The following MTMR7 variants were observed in gnomAD, a reference collection of about 807,000 sequenced individuals.
The protein encoded by MTMR7 is myotubularin related protein 7, also known as phosphatidylinositol-3-phosphate phosphatase MTMR7.
In MTMR7, 76 loss-of-function variants were observed where a neutral mutation model predicts 81.2. That is an observed-to-expected ratio of 0.94 (90% CI 0.78 to 1.13). The LOEUF is 1.13. MTMR7 is among the 50% of genes most tolerant of loss of function. The probability of loss-of-function intolerance (pLI) is 0.00; values close to 1 mark genes in which losing one functional copy is unlikely to be tolerated. For missense variants in MTMR7, 1,044 were observed against 820.0 expected (o/e 1.27, Z -3.34); for synonymous variants, 372 against 289.8 (o/e 1.28, Z -2.88).
At chr8:17,348,620 G>C (rs557737123) in intron 5 of MTMR7, among the ~76,000 whole-genome samples, 3 of 151,084 alleles carry the variant, frequency 2.0e-5, no homozygotes, top group Admixed American at 2.0e-4. Flanking sequence ...TTCTAAAATA[G>C]GCATGCCACA....
intron 3 of MTMR7, among the ~76,000 whole-genome samples, chr8:17,368,268 G>A (rs970625024): frequency 6.6e-6 from 1 of 152,146 alleles, no homozygotes. Flanking sequence ...ACCTCCTGCT[G>A]TGCTGTGCCG....
Position 17,320,934 on chromosome 8 carries a change from T to C in MTMR7, c.866-7533A>G, listed in dbSNP as rs185319091. On this transcript the variant is annotated intron_variant, in intron 7 of 13. Coordinates refer to ENST00000180173, the MANE Select transcript of MTMR7 (RefSeq NM_004686.5). The stretch of plus-strand genomic sequence containing the variant: ...TAATCCTAAAATACACACATTCCAC[T>C]GCGTGAAGTCTCAGGATGCAATTGA... 1.9e-4 allele frequency among the ~76,000 whole-genome samples: 29 copies of C among 152,298 alleles called. No individual in the cohort carries two copies. In the East Asian group the frequency reaches 4.8e-3, roughly 25 times the overall value.
chr8:17,354,716 A>G (rs1177804122), intron 4 of MTMR7, among the ~76,000 whole-genome samples: 1 of 152,202 alleles, frequency 6.6e-6, no homozygotes, highest in Non-Finnish European at 1.5e-5. Flanking sequence ...GTCAAACAAG[A>G]GAGGAAAAAG....
intron 5 of MTMR7, among the ~76,000 whole-genome samples, chr8:17,343,217 A>G (rs182068886): frequency 6.0e-4 from 92 of 152,300 alleles, no homozygotes; most frequent in Admixed American, 9.2e-4. Context: ...ACTTGAGGTC[A>G]GGAGTTCGAG....
At chr8:17,325,892 A>G (rs1249011093) in intron 7 of MTMR7, among the ~76,000 whole-genome samples, 1 of 152,230 alleles carries the variant, frequency 6.6e-6, no homozygotes, top group Non-Finnish European at 1.5e-5. Flanking sequence ...CCATCAACGT[A>G]TCCATTTCAT....
At chr8:17,357,466 C>A (rs191210121) in intron 4 of MTMR7, among the ~76,000 whole-genome samples, 1 of 152,238 alleles carries the variant, frequency 6.6e-6, no homozygotes, top group East Asian at 1.9e-4. Context: ...CAAAACAATA[C>A]CACATACTAC....
intron 1 of MTMR7, among the ~76,000 whole-genome samples, chr8:17,379,183 T>A (rs764971667): frequency 5.9e-5 from 9 of 152,078 alleles, no homozygotes; most frequent in African/African-American, 2.2e-4. Flanking sequence ...TTCAGGAACA[T>A]GGGGGCACTG....
chr8:17,315,467 TTGAG>T (rs1221510776), intron 7 of MTMR7, among the ~76,000 whole-genome samples: 1 of 152,154 alleles, frequency 6.6e-6, no homozygotes, highest in Non-Finnish European at 1.5e-5. Context: ...ACAGTGGACT[TTGAG>T]TGATACCGAT....
intron 1 of MTMR7, among the ~76,000 whole-genome samples, chr8:17,378,946 C>T (rs748337656): frequency 2.0e-5 from 3 of 152,050 alleles, no homozygotes; most frequent in Admixed American, 6.6e-5. Context: ...TTACCCAGGG[C>T]GAGCAGGCAG....
chr8:17,309,675 G>A (rs768166698), intron 9 of MTMR7, among the ~76,000 whole-genome samples: 1 of 152,116 alleles, frequency 6.6e-6, no homozygotes, highest in Non-Finnish European at 1.5e-5. Flanking sequence ...AAGGAAAGAG[G>A]TTTCATATTC....
intron 7 of MTMR7, among the ~76,000 whole-genome samples, chr8:17,328,535 G>A (rs1225843423): frequency 2.0e-5 from 3 of 151,862 alleles, no homozygotes; most frequent in Admixed American, 6.6e-5. Context: ...ATGGCCACAC[G>A]TAGGGGAATA....
chr8:17,353,040 C>T (rs539694793), intron 4 of MTMR7, among the ~76,000 whole-genome samples: 18 of 152,232 alleles, frequency 1.2e-4, no homozygotes, highest in African/African-American at 4.3e-4. Context: ...GTGGAAGCAA[C>T]CCAGATGTCC....
chr8:17,369,366 C>T (rs1820336420), intron 3 of MTMR7, among the ~76,000 whole-genome samples: 1 of 152,186 alleles, frequency 6.6e-6, no homozygotes, highest in African/African-American at 2.4e-5. Flanking sequence ...TTTGACAGCT[C>T]CCTGGCGTCA....
rs552444215 is a variant in MTMR7 at position 17,314,516 on chromosome 8, C to G, written c.866-1115G>C. Reference sequence around the variant, plus strand: ...CTTTGAAAGCACTGTGCATATGGGTCACATAGCAGCATTAACAAAAATATT... The same window carrying G: ...CTTTGAAAGCACTGTGCATATGGGTGACATAGCAGCATTAACAAAAATATT... On this transcript the variant is annotated intron_variant, in intron 7 of 13. Transcript: ENST00000180173. 1.2e-4 allele frequency among the ~76,000 whole-genome samples: 18 copies of G among 152,222 alleles called. No individual in the cohort carries two copies. The South Asian group carries it at 2.5e-3, about 21-fold the overall frequency.
At position 17,305,975 on chromosome 8, in the gene MTMR7, A is replaced by G. The variant is rs1817426775; in HGVS notation, c.1152-18T>C. 6 of 1,585,336 alleles carry G rather than the reference A, an allele frequency of 3.8e-6. No individual in the cohort carries two copies. The East Asian group carries it at 1.4e-4, about 36-fold the overall frequency. The stretch of plus-strand genomic sequence containing the variant: ...TGCCATATCTATAAAACAAAGCATT[A>G]GAGACTTTTTAAGGCAGATTTATTT... On this transcript the variant is annotated intron_variant, in intron 10 of 13. Coordinates refer to ENST00000180173, the MANE Select transcript of MTMR7 (RefSeq NM_004686.5).
intron 1 of MTMR7, among the ~76,000 whole-genome samples, chr8:17,377,471 T>C (rs17503181): frequency 0.089 from 13,556 of 152,160 alleles, 866 homozygotes; most frequent in Non-Finnish European, 0.14. Flanking sequence ...AGGTTTTTCT[T>C]TAAAGTAACA....
At chr8:17,310,783 T>C (rs1224903458) in intron 9 of MTMR7, among the ~76,000 whole-genome samples, 1 of 152,186 alleles carries the variant, frequency 6.6e-6, no homozygotes, top group Non-Finnish European at 1.5e-5. Flanking sequence ...AGGACTCCTT[T>C]GTCAGCATCT....
In MTMR7 at chr8:17,304,368, G is replaced by C. The variant is rs778032800; in HGVS notation, c.1493+11C>G. The C allele has an allele frequency of 6.2e-7, 1 of 1,608,808 alleles. No homozygotes were observed. The highest frequency in any genetic ancestry group is 1.7e-5 in the Admixed American group (1 of 59,908). ...ATACCATGGCTACAAAGTTACCAAG[G>C]ATTTACATACTTGTACATGAAGTTA... is the stretch of plus-strand genomic sequence containing the variant. On this transcript the variant is annotated intron_variant, in intron 12 of 13. Transcript: ENST00000180173.
At chr8:17,302,955 C>T (rs1233540890) in intron 12 of MTMR7, among the ~76,000 whole-genome samples, 1 of 152,040 alleles carries the variant, frequency 6.6e-6, no homozygotes, top group Non-Finnish European at 1.5e-5. Context: ...AGGTGATCCA[C>T]CCACCTCAGC....
Sources: gnomAD v4.1 joint callset for allele counts (sites outside exome capture counted in the v4.1 genomes callset) on GRCh38, gnomAD v4.1.1 for gene constraint, MANE v1.5 for transcripts, NCBI Gene and HGNC (gene_info 2026-07-23, HGNC 2026-07-21) for gene names.